Variants in TTC28 observed in about 807,000 individuals in gnomAD.
The protein encoded by TTC28 is tetratricopeptide repeat protein 28.
TTC28 carries 61 observed loss-of-function variants against 198.0 expected under a neutral mutation model. The observed-to-expected ratio is 0.31, with a 90% CI of 0.25 to 0.38. TTC28 has a LOEUF of 0.38. Ranked by LOEUF, TTC28 falls within the 10% of genes least tolerant of loss-of-function variation. TTC28 has a pLI of 1.00. For synonymous variants in TTC28, 1,171 were observed against 1,297.8 expected (o/e 0.90, Z 2.10); for missense variants, 2,678 against 3,164.0 (o/e 0.85, Z 3.69).
At chr22:28,393,247 C>T (rs2046763182) in intron 2 of TTC28, among the ~76,000 whole-genome samples, 1 of 152,108 alleles carries the variant, frequency 6.6e-6, no homozygotes. Flanking sequence ...CTAGCCAGAT[C>T]TAGCACTTTT....
chr22:28,389,001 T>C (rs1014163417), intron 2 of TTC28, among the ~76,000 whole-genome samples: 32 of 152,080 alleles, frequency 2.1e-4, no homozygotes, highest in Non-Finnish European at 5.9e-5. Context: ...CTCTTATTAT[T>C]TTGAGATACG....
intron 5 of TTC28, among the ~76,000 whole-genome samples, chr22:28,286,282 ATAATT>A (rs1437224431): frequency 3.9e-5 from 6 of 152,256 alleles, no homozygotes; most frequent in Non-Finnish European, 8.8e-5. Context: ...AGCCACAAAT[ATAATT>A]TAAACTTTCT....
chr22:28,113,056 C>T (rs144729606), intron 6 of TTC28, among the ~76,000 whole-genome samples: 1 of 152,304 alleles, frequency 6.6e-6, no homozygotes, highest in Non-Finnish European at 1.5e-5. Flanking sequence ...GTGCCTCAGA[C>T]ATAGTAAGTG....
chr22:28,081,739 G>A (rs368855247), intron 12 of TTC28, among the ~76,000 whole-genome samples: 23 of 152,154 alleles, frequency 1.5e-4, no homozygotes, highest in South Asian at 6.2e-4. Flanking sequence ...TGATTCACCC[G>A]CCTCAGCCTC....
At chr22:28,391,651 G>T (rs570443823) in intron 2 of TTC28, among the ~76,000 whole-genome samples, 1 of 152,260 alleles carries the variant, frequency 6.6e-6, no homozygotes, top group South Asian at 2.1e-4. Flanking sequence ...TGAGGCTTCT[G>T]CATTCTTCAC....
intron 2 of TTC28, among the ~76,000 whole-genome samples, chr22:28,426,689 C>A (rs1011994472): frequency 2.0e-5 from 3 of 152,156 alleles, no homozygotes; most frequent in Non-Finnish European, 4.4e-5. Context: ...CTTACCTAAG[C>A]TACTTGGCAA....
rs189416531 is a variant in TTC28 at position 28,363,610 on chromosome 22, C to T, written c.382-56967G>A. ...TCCACTGACAGCTTGCACCATGCAC[C>T]TGGAAAAGCCACAGACACTCAATGC... On this transcript the variant is annotated intron_variant, in intron 2 of 22. Transcript: ENST00000397906. Among the ~76,000 whole-genome samples the T allele has an allele frequency of 3.8e-4, 58 of 152,276 alleles. 1 individual carries two copies. Among genetic ancestry groups the T allele is most frequent in the African/African-American group, 1.3e-3 (54 of 41,556 alleles).
At chr22:28,311,343 T>C (rs1182044936) in intron 2 of TTC28, among the ~76,000 whole-genome samples, 1 of 152,146 alleles carries the variant, frequency 6.6e-6, no homozygotes, top group Non-Finnish European at 1.5e-5. Context: ...GATTTATAAT[T>C]TAACACAACT....
intron 2 of TTC28, among the ~76,000 whole-genome samples, chr22:28,308,231 CA>C (rs2045183891): frequency 6.6e-6 from 1 of 152,122 alleles, no homozygotes; most frequent in Non-Finnish European, 1.5e-5. Flanking sequence ...AATGTGTTTA[CA>C]AAGATTTTTC....
intron 2 of TTC28, among the ~76,000 whole-genome samples, chr22:28,566,549 C>A (rs1382561476): frequency 6.6e-6 from 1 of 152,164 alleles, no homozygotes; most frequent in Non-Finnish European, 1.5e-5. Flanking sequence ...ACTTTGAATG[C>A]TCGAAGAGAA....
intron 2 of TTC28, among the ~76,000 whole-genome samples, chr22:28,612,998 GAGAT>G (rs1403105865): frequency 6.6e-6 from 1 of 152,054 alleles, no homozygotes; most frequent in Non-Finnish European, 1.5e-5. Context: ...AGAACTGAAG[GAGAT>G]AGAGACATGA....
chr22:28,129,246 C>T (rs889489490), intron 6 of TTC28, among the ~76,000 whole-genome samples: 5 of 152,160 alleles, frequency 3.3e-5, no homozygotes, highest in Admixed American at 2.6e-4. Flanking sequence ...AGTCCATAAA[C>T]CAGAAATTCT....
intron 2 of TTC28, among the ~76,000 whole-genome samples, chr22:28,492,425 G>A (rs969225847): frequency 2.6e-5 from 4 of 151,946 alleles, no homozygotes; most frequent in African/African-American, 7.3e-5. Flanking sequence ...AACAATTAAA[G>A]CTAACAAATT....
chr22:28,377,709 T>A (rs2046433339), intron 2 of TTC28, among the ~76,000 whole-genome samples: 2 of 151,990 alleles, frequency 1.3e-5, no homozygotes, highest in African/African-American at 4.8e-5. Flanking sequence ...GATCAAACCA[T>A]CTCCAAGTAA....
intron 12 of TTC28, among the ~76,000 whole-genome samples, chr22:28,063,822 G>A (rs1364701526): frequency 1.3e-5 from 2 of 152,014 alleles, no homozygotes; most frequent in Non-Finnish European, 1.5e-5. Context: ...CAAAAGCCAC[G>A]AGGTAGGCGT....
rs201043400 is a variant in TTC28 at position 28,297,719 on chromosome 22, G to A, written c.663C>T (p.Ala221=). 121 of 1,551,490 alleles carry A rather than the reference G, an allele frequency of 7.8e-5. No homozygotes were observed. The Admixed American group carries it at 1.8e-3, about 23-fold the overall frequency. Residue 221 remains alanine, a synonymous_variant, in exon 4 of 23, where the codon GCC becomes GCT. Transcript: ENST00000397906. ...HHGASVVVLE[A]ALKIGTCSLK... ...GGCTGCAGGTGCCAATCTTCAGTGC[G>A]GCTTCTAAGACAACCACAGAGGCCC...
chr22:28,362,026 G>A (rs1038887896), intron 2 of TTC28, among the ~76,000 whole-genome samples: 1 of 152,190 alleles, frequency 6.6e-6, no homozygotes, highest in African/African-American at 2.4e-5. Context: ...AGCTCTGATG[G>A]AGATGTACAA....
chr22:28,441,604 G>T (rs2047623109), intron 2 of TTC28, among the ~76,000 whole-genome samples: 1 of 152,152 alleles, frequency 6.6e-6, no homozygotes, highest in Non-Finnish European at 1.5e-5. Context: ...AATTCGCCAG[G>T]CTATGCTAAG....
intron 2 of TTC28, among the ~76,000 whole-genome samples, chr22:28,594,428 G>A (rs2050499900): frequency 6.6e-6 from 1 of 151,822 alleles, no homozygotes; most frequent in Non-Finnish European, 1.5e-5. Flanking sequence ...TGAGGTCTGG[G>A]GAAAAACTGC....
Sources: gnomAD v4.1 joint callset for allele counts (sites outside exome capture counted in the v4.1 genomes callset) on GRCh38, gnomAD v4.1.1 for gene constraint, MANE v1.5 for transcripts, NCBI Gene and HGNC (gene_info 2026-07-23, HGNC 2026-07-21) for gene names.